RYR2: variants seen among roughly 807,000 people sequenced by gnomAD.
The protein encoded by RYR2 is cardiac muscle ryanodine receptor-calcium release channel.
Under a neutral mutation model 601.1 loss-of-function variants are expected in RYR2, and 227 were observed. The observed-to-expected ratio is 0.38, with a 90% CI of 0.34 to 0.42. The LOEUF is 0.42. Among genes scored for constraint, RYR2 ranks in the 10% least tolerant of loss-of-function variants. The pLI, the probability that RYR2 is intolerant of heterozygous loss-of-function variation, is 1.00. For synonymous variants in RYR2, 2,223 were observed against 2,175.1 expected (o/e 1.02, Z -0.61); for missense variants, 4,646 against 6,156.5 (o/e 0.75, Z 8.21).
At chr1:237,648,729 T>A in intron 49 of RYR2, 116 bp downstream of exon 49, 1 of 1,200,476 alleles carries the variant, frequency 8.3e-7, no homozygotes, top group Non-Finnish European at 1.1e-6. Context: ...ATTGAGTACC[T>A]GTTATATTTT....
chr1:237,593,646 C>T lies in RYR2; in HGVS notation c.4436+10C>T. 1 of 1,613,038 alleles carries T rather than the reference C, an allele frequency of 6.2e-7. No homozygotes were observed. The highest frequency in any genetic ancestry group is 1.3e-5 in the African/African-American group (1 of 74,984). ...GAAAAGTGCATGAAAGGTTAGTTTTCCTCAATTTTTTGCAAGAATGACATG... is the reference window on the plus strand; with the variant it reads ...GAAAAGTGCATGAAAGGTTAGTTTTTCTCAATTTTTTGCAAGAATGACATG... On this transcript the variant is annotated intron_variant, in intron 33 of 104. Coordinates refer to ENST00000366574, the MANE Select transcript of RYR2 (RefSeq NM_001035.3).
intron 24 of RYR2, among the ~76,000 whole-genome samples, chr1:237,517,301 C>G (rs1218687136): frequency 6.6e-6 from 1 of 152,202 alleles, no homozygotes; most frequent in Non-Finnish European, 1.5e-5. Flanking sequence ...CCACTTCCTT[C>G]ACTTCCTTTA....
intron 10 of RYR2, among the ~76,000 whole-genome samples, chr1:237,407,395 A>T (rs964444573): frequency 6.6e-6 from 1 of 152,208 alleles, no homozygotes; most frequent in African/African-American, 2.4e-5. Flanking sequence ...AAGTGGCTGT[A>T]TCATTTTGTA....
intron 87 of RYR2, among the ~76,000 whole-genome samples, chr1:237,777,471 A>G (rs1311783178): frequency 2.6e-5 from 4 of 152,220 alleles, no homozygotes; most frequent in African/African-American, 9.6e-5. Context: ...TAAAGGTATT[A>G]TAAGTTATTT....
At chr1:237,787,057 C>A (rs1343608893) in intron 91 of RYR2, among the ~76,000 whole-genome samples, 1 of 152,050 alleles carries the variant, frequency 6.6e-6, no homozygotes, top group Admixed American at 6.5e-5. Flanking sequence ...ATACATATGA[C>A]TTCACTTTAA....
rs1417926762 is a variant in RYR2 at position 237,784,367 on chromosome 1, G to A, written c.12655G>A (p.Glu4219Lys). The part of the protein sequence containing the change: ...SDLNERSANK[E>K]ESEKERPEEQ... ...CTTGAACGAGAGGTCAGCGAATAAG[G>A]AAGAAAGCGAGAAGGAGAGGCCGGA... The change falls in exon 90 of 105, where the codon GAA becomes AAA. Residue 4219 changes from glutamate to lysine, a missense_variant. Physicochemically the swap from Glu to Lys is moderately conservative, Grantham distance 56. Transcript: ENST00000366574. This position sits in a 1 kb window ranked among gnomAD's most constrained non-coding sequence, Gnocchi z 7.1. The A allele has an allele frequency of 4.3e-6, 7 of 1,613,968 alleles. No individual in the cohort carries two copies. The highest frequency in any genetic ancestry group is 1.7e-5 in the Admixed American group (1 of 60,022).
At chr1:237,448,631 G>A (rs577168317) in intron 14 of RYR2, among the ~76,000 whole-genome samples, 3 of 152,098 alleles carry the variant, frequency 2.0e-5, no homozygotes, top group East Asian at 1.9e-4. Context: ...CTTGCTGCTT[G>A]TCACCTTTTC....
intron 88 of RYR2, among the ~76,000 whole-genome samples, chr1:237,779,477 C>T (rs1473603730): frequency 4.6e-5 from 7 of 152,124 alleles, no homozygotes; most frequent in African/African-American, 7.2e-5. Flanking sequence ...ATTTGCCAGG[C>T]GGTCAGGTAG....
chr1:237,364,304 T>C lies in RYR2; in HGVS notation c.295-54T>C, dbSNP rs1013681757. 8.5e-6 allele frequency: 13 copies of C among 1,523,452 alleles called. No homozygotes were observed. In the South Asian group the frequency reaches 1.6e-4, roughly 19 times the overall value. The allele number at this position is 1,523,452 out of a possible 1,614,324, so 94.4% of individuals were successfully genotyped here. On this transcript the variant is annotated intron_variant, in intron 4 of 104. Coordinates refer to ENST00000366574, the MANE Select transcript of RYR2 (RefSeq NM_001035.3). Reference sequence around the variant, plus strand: ...TAAATAAGAGATATTTTTAAGGAAGTCTTTGAGATCGTGTCTATTTAATGT... The same window carrying C: ...TAAATAAGAGATATTTTTAAGGAAGCCTTTGAGATCGTGTCTATTTAATGT...
chr1:237,306,894 C>T (rs1018848849), intron 2 of RYR2, among the ~76,000 whole-genome samples: 10 of 152,132 alleles, frequency 6.6e-5, no homozygotes, highest in African/African-American at 2.4e-4. Flanking sequence ...TCTACTGTAT[C>T]CCCTCTTCCT....
intron 24 of RYR2, among the ~76,000 whole-genome samples, chr1:237,525,040 G>A (rs1312655204): frequency 6.6e-6 from 1 of 151,866 alleles, no homozygotes; most frequent in East Asian, 1.9e-4. Context: ...TATAATGGTG[G>A]GAATTTAGAT....
chr1:237,158,104 C>T (rs1675598577), intron 1 of RYR2, among the ~76,000 whole-genome samples: 1 of 152,092 alleles, frequency 6.6e-6, no homozygotes, highest in African/African-American at 2.4e-5. Context: ...AAGTACCTTC[C>T]TGGAGTTTTT....
chr1:237,548,760 A>T (rs1280189979), intron 26 of RYR2, among the ~76,000 whole-genome samples, 170 bp downstream of exon 26: 4 of 152,168 alleles, frequency 2.6e-5, no homozygotes, highest in Admixed American at 2.6e-4. Context: ...AATTTACATG[A>T]CCTTAGTTCT....
chr1:237,561,008 G>T (rs186339677), intron 27 of RYR2, among the ~76,000 whole-genome samples: 4 of 152,250 alleles, frequency 2.6e-5, no homozygotes, highest in Non-Finnish European at 1.5e-5. Context: ...TTGGGGTTAA[G>T]AGAGCAAGTA....
chr1:237,184,118 C>G lies in RYR2; in HGVS notation c.49-86379C>G, dbSNP rs113550213. Among the ~76,000 whole-genome samples the G allele has an allele frequency of 7.9e-3, 1,197 of 152,248 alleles. 24 individuals are homozygous for G. Among genetic ancestry groups the G allele is most frequent in the African/African-American group, 0.028 (1,152 of 41,534 alleles). ...CTAGCATTGATGTGTAACCCTTGGG[C>G]GGGGTAAACCCAGAGTCAGGTTAGC... On this transcript the variant is annotated intron_variant, in intron 1 of 104. Coordinates refer to ENST00000366574, the MANE Select transcript of RYR2 (RefSeq NM_001035.3).
chr1:237,791,059 C>T (rs2149377823), intron 92 of RYR2, among the ~76,000 whole-genome samples: 1 of 152,268 alleles, frequency 6.6e-6, no homozygotes, highest in Non-Finnish European at 1.5e-5. Flanking sequence ...GTATGACTTG[C>T]TCCCCGCTTG....
intron 1 of RYR2, among the ~76,000 whole-genome samples, chr1:237,248,182 G>T (rs570960314): frequency 2.1e-4 from 30 of 146,092 alleles, no homozygotes; most frequent in Admixed American, 7.3e-4. Flanking sequence ...TGAGGCAGGA[G>T]AATTGCTTAA....
chr1:237,142,622 G>A (rs960670803), intron 1 of RYR2, among the ~76,000 whole-genome samples: 1 of 152,128 alleles, frequency 6.6e-6, no homozygotes, highest in East Asian at 1.9e-4. Context: ...TCATTGGTGG[G>A]GCAGTTGGGA....
At chr1:237,284,712 CCA>C (rs1256286020) in intron 2 of RYR2, among the ~76,000 whole-genome samples, 1 of 126,954 alleles carries the variant, frequency 7.9e-6, no homozygotes, top group East Asian at 2.3e-4. Flanking sequence ...AAACACCCCC[CCA>C]CACACACAGC....
Sources: allele counts gnomAD v4.1 joint callset (sites outside exome capture counted in the v4.1 genomes callset), GRCh38; gene constraint gnomAD v4.1.1; non-coding constraint Gnocchi (gnomAD v3.1); transcripts MANE v1.5; gene names NCBI Gene and HGNC (gene_info 2026-07-23, HGNC 2026-07-21).